The following RBM33 variants were observed in gnomAD, a reference collection of about 807,000 sequenced individuals.
The protein encoded by RBM33 is RNA binding motif protein 33, also known as RNA-binding protein 33.
A neutral mutation model predicts 132.6 loss-of-function variants in RBM33; 28 were observed. That is an observed-to-expected ratio of 0.21 (90% CI 0.16 to 0.29). The LOEUF (loss-of-function observed/expected upper bound fraction) is 0.29. Ranked by LOEUF, RBM33 falls within the 10% of genes least tolerant of loss-of-function variation. The pLI is 1.00. For missense variants in RBM33, 1,291 were observed against 1,518.5 expected (o/e 0.85, Z 2.49); for synonymous variants, 634 against 593.0 (o/e 1.07, Z -1.01).
chr7:155,743,847 A>G (rs1801428387), intron 13 of RBM33, among the ~76,000 whole-genome samples: 1 of 152,174 alleles, frequency 6.6e-6, no homozygotes, highest in South Asian at 2.1e-4. Context: ...ATATGTCCCC[A>G]GCCGTCTGCT....
intron 14 of RBM33, among the ~76,000 whole-genome samples, chr7:155,747,827 C>A (rs895337018): frequency 3.3e-5 from 5 of 152,220 alleles, no homozygotes; most frequent in East Asian, 1.9e-4. Flanking sequence ...TTCTCTGAAC[C>A]AGAACAAATA....
At chr7:155,759,095 A>C (rs541238001) in intron 14 of RBM33, among the ~76,000 whole-genome samples, 57 of 152,246 alleles carry the variant, frequency 3.7e-4, no homozygotes, top group Non-Finnish European at 7.3e-4. Context: ...GAAAGTCGTC[A>C]ACGAGGTATG....
At chr7:155,772,027 T>A (rs1384007057) in intron 16 of RBM33, among the ~76,000 whole-genome samples, 1 of 152,256 alleles carries the variant, frequency 6.6e-6, no homozygotes, top group Non-Finnish European at 1.5e-5. Context: ...ATTTTCCTTA[T>A]CCATTCTTAA....
At chr7:155,650,229 G>T (rs1798318903) in intron 1 of RBM33, among the ~76,000 whole-genome samples, 1 of 152,204 alleles carries the variant, frequency 6.6e-6, no homozygotes, top group African/African-American at 2.4e-5. Flanking sequence ...TGATTCCTCA[G>T]CTCAGGTCAC....
intron 2 of RBM33, among the ~76,000 whole-genome samples, chr7:155,671,217 A>C (rs1224484467): frequency 1.3e-5 from 2 of 152,236 alleles, no homozygotes; most frequent in African/African-American, 4.8e-5. Flanking sequence ...CTGAAGATAC[A>C]AAAATTGTAT....
chr7:155,735,035 C>G (rs901477875), intron 9 of RBM33, among the ~76,000 whole-genome samples: 3 of 152,076 alleles, frequency 2.0e-5, no homozygotes, highest in Non-Finnish European at 2.9e-5. Flanking sequence ...AGGATGAGGC[C>G]GCTGTAAGTT....
chr7:155,654,517 T>C (rs1798441076), intron 1 of RBM33, among the ~76,000 whole-genome samples: 1 of 152,188 alleles, frequency 6.6e-6, no homozygotes, highest in South Asian at 2.1e-4. Flanking sequence ...TCTGACTACT[T>C]CTCTCTATGA....
At chr7:155,753,520 C>G (rs1801750839) in intron 14 of RBM33, among the ~76,000 whole-genome samples, 1 of 152,170 alleles carries the variant, frequency 6.6e-6, no homozygotes, top group Non-Finnish European at 1.5e-5. Flanking sequence ...AGGATGATCT[C>G]TGGCAGCGCC....
At chr7:155,665,126 G>A in intron 1 of RBM33, 49 bp from the exon 2 acceptor site, 2 of 1,490,170 alleles carry the variant, frequency 1.3e-6, no homozygotes, top group Non-Finnish European at 1.9e-6. Flanking sequence ...TATTTGCATT[G>A]TGTCTATTTT....
At chr7:155,713,536 C>T (rs1017568714) in intron 8 of RBM33, among the ~76,000 whole-genome samples, 4 of 151,906 alleles carry the variant, frequency 2.6e-5, no homozygotes, top group African/African-American at 4.8e-5. Flanking sequence ...AGGAGGATGA[C>T]GGTCGATGGG....
At chr7:155,672,954 A>G (rs1391090069) in intron 3 of RBM33, 39 bp downstream of exon 3, 2 of 1,367,664 alleles carry the variant, frequency 1.5e-6, no homozygotes, top group Non-Finnish European at 1.0e-6. Context: ...AATACTAGTC[A>G]TTTAATTATA....
chr7:155,729,871 A>G lies in RBM33; in HGVS notation c.1261-7659A>G, dbSNP rs1030056748. Among the ~76,000 whole-genome samples, 3 of 152,052 alleles carry G rather than the reference A, an allele frequency of 2.0e-5. No individual in the cohort carries two copies. In the East Asian group the frequency reaches 5.8e-4, roughly 29 times the overall value. ...TCCTTGTGCACTGTATGTGTTTCAC[A>G]TCTGCTCAGCTTAAGAGCCTCAGGC... On this transcript the variant is annotated intron_variant, in intron 9 of 17. Coordinates refer to ENST00000401878, the MANE Select transcript of RBM33 (RefSeq NM_053043.3).
At chr7:155,706,702 G>T in intron 6 of RBM33, 158 bp from the exon 7 acceptor site, 2 of 602,304 alleles carry the variant, frequency 3.3e-6, no homozygotes, top group South Asian at 2.0e-5. Context: ...TGTGTTGCTG[G>T]TTGTATCGTA....
intron 7 of RBM33, among the ~76,000 whole-genome samples, chr7:155,709,798 T>C (rs1350692039): frequency 6.6e-6 from 1 of 152,224 alleles, no homozygotes; most frequent in Non-Finnish European, 1.5e-5. Context: ...GGAAACATAC[T>C]GCATTCTGGG....
chr7:155,682,995 A>G (rs1799376969), intron 5 of RBM33, among the ~76,000 whole-genome samples: 2 of 150,668 alleles, frequency 1.3e-5, no homozygotes, highest in Non-Finnish European at 2.9e-5. Context: ...TTTCAGAATT[A>G]AAGTCTTGAA....
intron 11 of RBM33, chr7:155,739,456 T>C: frequency 4.1e-6 from 2 of 489,536 alleles, no homozygotes; most frequent in South Asian, 2.5e-5. Context: ...TTTAGAGTTA[T>C]GAGTTTGTCT....
intron 14 of RBM33, 129 bp from the exon 15 acceptor site, chr7:155,763,683 C>T (rs1237549382): frequency 1.6e-5 from 13 of 806,736 alleles, no homozygotes; most frequent in South Asian, 3.1e-5. Flanking sequence ...TGACAAGTTT[C>T]GAGTCACACT....
chr7:155,757,942 A>C (rs1223484546), intron 14 of RBM33, among the ~76,000 whole-genome samples: 1 of 152,042 alleles, frequency 6.6e-6, no homozygotes, highest in African/African-American at 2.4e-5. Context: ...GTGAACTCAG[A>C]GCTTGCTTAT....
Position 155,775,993 on chromosome 7 carries a change from C to T in RBM33, c.*952C>T, listed in dbSNP as rs1802594502. ...CTGAAGGCTGTTCCAGCAGGGCTGC[C>T]CTGTTCATCAGCGGATGTTCACTCT... On this transcript the variant is annotated 3_prime_UTR_variant, in exon 18 of 18. Transcript: ENST00000401878. The T allele has an allele frequency of 1.3e-5, 2 of 152,240 alleles. No individual in the cohort carries two copies. Among genetic ancestry groups the T allele is most frequent in the African/African-American group, 4.8e-5 (2 of 41,460 alleles). The allele number at this position is 152,240 out of a possible 1,614,324, so 9.4% of individuals were successfully genotyped here. A position where few individuals can be genotyped will look rare whatever the true frequency, so the allele number is the denominator to read the frequency against.
Sources: gnomAD v4.1 joint callset for allele counts (sites outside exome capture counted in the v4.1 genomes callset) on GRCh38, gnomAD v4.1.1 for gene constraint, MANE v1.5 for transcripts, NCBI Gene and HGNC (gene_info 2026-07-23, HGNC 2026-07-21) for gene names.